REXO1: variants seen among roughly 807,000 people sequenced by gnomAD.
REXO1 encodes the protein REX1, RNA exonuclease 1 homolog.
In REXO1, 42 loss-of-function variants were observed where a neutral mutation model predicts 102.6. The ratio of observed to expected loss-of-function variants is 0.41; its 90% CI spans 0.32 to 0.53. The LOEUF (loss-of-function observed/expected upper bound fraction) is 0.53. Among genes scored for constraint, REXO1 ranks in the 20% least tolerant of loss-of-function variants. The pLI, the probability that REXO1 is intolerant of heterozygous loss-of-function variation, is 0.27. For missense variants in REXO1, 1,819 were observed against 1,732.5 expected, an observed-to-expected ratio of 1.05 and a Z score of -0.89; for synonymous variants, 908 against 779.1, an observed-to-expected ratio of 1.17 and a Z score of -2.76.
chr19:1,816,078 C>T lies in REXO1; in HGVS notation c.3654G>A (p.Lys1218=). 6.5e-7 allele frequency: 1 copy of T among 1,545,580 alleles called. No homozygotes were observed. Residue 1218 remains lysine, a synonymous_variant, in exon 16 of 16, where the codon AAG becomes AAA. Transcript: ENST00000170168. The part of the protein sequence containing the change: ...LVIWKVREDA[K]TKR ...AGGCGGGCAGGCGTCATCGCTTGGT[C>T]TTGGCGTCTTCTCGAACCTTCCAGA...
chr19:1,819,720 G>A (rs897470083), intron 7 of REXO1, among the ~76,000 whole-genome samples: 1 of 152,202 alleles, frequency 6.6e-6, no homozygotes, highest in Non-Finnish European at 1.5e-5. Context: ...ACTCAGCGGA[G>A]GAAGGCGGCT....
rs1318306872 is a variant in REXO1, at chr19:1,838,137, T to C, written c.158-9506A>G. On this transcript the variant is annotated intron_variant, in intron 1 of 15. Transcript: ENST00000170168. ...GAGTTTGAGACCAGCCTGGCCAACA[T>C]GGGGAAACCCCGTCCCTACTAAAAC... is the stretch of plus-strand genomic sequence containing the variant. Among the ~76,000 whole-genome samples the C allele has an allele frequency of 5.9e-5, 9 of 151,980 alleles. No homozygotes were observed. The South Asian group carries it at 1.9e-3, about 32-fold the overall frequency.
chr19:1,823,587 G>A lies in REXO1; in HGVS notation c.2215C>T (p.Pro739Ser). Reference protein sequence around the residue: ...EKRRIAHIPNPRLAAAPTGAK... With the variant: ...EKRRIAHIPNSRLAAAPTGAK... ...CAGGACTCACCTGCAGCCAGGCGGG[G>A]GTTGGGGATGTGGGCGATCCTCCTC... is the stretch of plus-strand genomic sequence containing the variant. Residue 739 changes from proline to serine, a missense_variant, in exon 4 of 16, where the codon CCC (proline) becomes TCC (serine). Transcript: ENST00000170168. 1.5e-6 allele frequency: 2 copies of A among 1,319,834 alleles called. No individual in the cohort carries two copies. Among genetic ancestry groups the A allele is most frequent in the Non-Finnish European group, 1.9e-6 (2 of 1,027,090 alleles). 81.8% of individuals were successfully genotyped at this position (1,319,834 alleles called of 1,614,324 possible). A position where few individuals can be genotyped will look rare whatever the true frequency, so the allele number is the denominator to read the frequency against.
At position 1,826,451 on chromosome 19, in the gene REXO1, G is replaced by A. The variant is rs2069724322; in HGVS notation, c.1911+427C>T. Among the ~76,000 whole-genome samples, 1 of 149,284 alleles carries A rather than the reference G, an allele frequency of 6.7e-6. No individual in the cohort carries two copies. Among genetic ancestry groups the A allele is most frequent in the Non-Finnish European group, 1.5e-5 (1 of 67,416 alleles). ...GAGGAGGCAAGGAGAGGAGACAGAG[G>A]AGCTGGAAGAGAAGAGACAGAGATG... On this transcript the variant is annotated intron_variant, in intron 2 of 15. Coordinates refer to ENST00000170168, the MANE Select transcript of REXO1 (RefSeq NM_020695.4). This position sits in a 1 kb window ranked among gnomAD's most constrained non-coding sequence, Gnocchi z 4.3.
At chr19:1,840,002 G>C (rs369684049) in intron 1 of REXO1, among the ~76,000 whole-genome samples, 130 of 152,342 alleles carry the variant, frequency 8.5e-4, no homozygotes, top group African/African-American at 2.8e-3. Context: ...CTGAGCCACT[G>C]TGAGAGGAGG....
In REXO1 at chr19:1,827,306, G is replaced by C. The variant is rs774459639; in HGVS notation, c.1483C>G (p.Arg495Gly). ...CCCTCGTCTAGTGAGCGGGCTTTCC[G>C]CTCCACTAGCTTCCCCGACGGGGCC... ...TKAPSGKLVE[R>G]KARSLDEGAS... The change falls in exon 2 of 16, where the codon CGG becomes GGG. Residue 495 changes from arginine (R) to glycine (G), a missense_variant. Physicochemically the swap from Arg to Gly is moderately radical, Grantham distance 125. Transcript: ENST00000170168. 1.3e-6 allele frequency: 2 copies of C among 1,561,264 alleles called. No individual in the cohort carries two copies. The highest frequency in any genetic ancestry group is 1.7e-6 in the Non-Finnish European group (2 of 1,158,454).
chr19:1,848,102 G>A (rs968794012), intron 1 of REXO1, 100 bp downstream of exon 1: 1 of 553,404 alleles, frequency 1.8e-6, no homozygotes, highest in Non-Finnish European at 2.7e-6. Context: ...CGTGTGGGGA[G>A]GAGGCTGGGC....
chr19:1,825,883 C>T lies in REXO1; in HGVS notation c.1972G>A (p.Gly658Arg), dbSNP rs201498568. Residue 658 changes from glycine (G) to arginine (R), a missense_variant, in exon 3 of 16, where the codon GGG (glycine) becomes AGG (arginine). Transcript: ENST00000170168. ...GLSGLTTLFPGQKRRISHLSK... is the reference protein window; with the variant it reads ...GLSGLTTLFPRQKRRISHLSK... Reference sequence around the variant, plus strand: ...AGGTGGGAGATCCTCCTCTTCTGCCCGGGGAACAGAGTGGTCAGACCCGAA... The same window carrying T: ...AGGTGGGAGATCCTCCTCTTCTGCCTGGGGAACAGAGTGGTCAGACCCGAA... The T allele has an allele frequency of 9.9e-6, 16 of 1,613,594 alleles. No homozygotes were observed. Among genetic ancestry groups the T allele is most frequent in the Admixed American group, 5.0e-5 (3 of 59,968 alleles).
intron 11 of REXO1, 141 bp from the exon 12 acceptor site, chr19:1,817,470 G>C: frequency 6.8e-7 from 1 of 1,478,346 alleles, no homozygotes; most frequent in Non-Finnish European, 9.0e-7. Context: ...TGGTGAGCAG[G>C]TGGGGAAGGG....
chr19:1,841,809 C>A (rs1286508805), intron 1 of REXO1, among the ~76,000 whole-genome samples: 1 of 152,184 alleles, frequency 6.6e-6, no homozygotes, highest in African/African-American at 2.4e-5. Flanking sequence ...CCAGCCCCAG[C>A]GAGCTGCTCT....
At chr19:1,841,644 G>A (rs2011286465) in intron 1 of REXO1, among the ~76,000 whole-genome samples, 1 of 152,234 alleles carries the variant, frequency 6.6e-6, no homozygotes, top group African/African-American at 2.4e-5. Context: ...CAGAGGGACA[G>A]AGGCCGGCCA....
intron 1 of REXO1, among the ~76,000 whole-genome samples, chr19:1,845,191 C>A (rs1348893744): frequency 6.6e-6 from 1 of 152,204 alleles, no homozygotes; most frequent in Non-Finnish European, 1.5e-5. Context: ...AAGGCCCAGG[C>A]AGCAGAGAGC....
chr19:1,843,141 C>A (rs1031594234), intron 1 of REXO1, among the ~76,000 whole-genome samples: 4 of 152,008 alleles, frequency 2.6e-5, no homozygotes, highest in Admixed American at 2.6e-4. Context: ...CAACCCCCCG[C>A]CCGGAGGGTC....
At position 1,827,312 on chromosome 19, in the gene REXO1, C is replaced by T. The variant is rs1292617215; in HGVS notation, c.1477G>A (p.Val493Met). 1.9e-6 allele frequency: 3 copies of T among 1,561,090 alleles called. No homozygotes were observed. In the Admixed American group the frequency reaches 5.4e-5, roughly 28 times the overall value. Reference protein sequence around the residue: ...KSTKAPSGKLVERKARSLDEG... With the variant: ...KSTKAPSGKLMERKARSLDEG... ...TCTAGTGAGCGGGCTTTCCGCTCCA[C>T]TAGCTTCCCCGACGGGGCCTTGGTG... Residue 493 changes from valine (V) to methionine (M), a missense_variant, in exon 2 of 16, where the codon GTG becomes ATG. Transcript: ENST00000170168.
At chr19:1,822,653 G>A (rs1037288305) in intron 4 of REXO1, 1 of 152,438 alleles carries the variant, frequency 6.6e-6, no homozygotes, top group Non-Finnish European at 1.5e-5. Context: ...GGGGTCCTGG[G>A]ATAGGCCCAA....
rs534827653 is a variant in REXO1 at position 1,845,210 on chromosome 19, G to C, written c.157+2992C>G. Among the ~76,000 whole-genome samples the C allele has an allele frequency of 3.9e-5, 6 of 152,274 alleles. No homozygotes were observed. The South Asian group carries it at 1.0e-3, about 26-fold the overall frequency. On this transcript the variant is annotated intron_variant, in intron 1 of 15. Transcript: ENST00000170168. The stretch of plus-strand genomic sequence containing the variant: ...CCCAGGCAGCAGAGAGCGGCCACTG[G>C]GGGGATAGTAACGCTCATTCCCAAC...
chr19:1,817,173 G>A (rs777070361), intron 12 of REXO1, 46 bp downstream of exon 12: 6 of 1,536,614 alleles, frequency 3.9e-6, no homozygotes, highest in Non-Finnish European at 5.3e-6. Flanking sequence ...ACCAGGCCAG[G>A]TCCTCCCCAA....
Position 1,815,847 on chromosome 19 carries a change from G to T in REXO1, c.*219C>A, listed in dbSNP as rs1329482780. 6.6e-7 allele frequency: 1 copy of T among 1,521,386 alleles called. No individual in the cohort carries two copies. The highest frequency in any genetic ancestry group is 2.5e-5 in the East Asian group (1 of 40,376). The allele number at this position is 1,521,386 out of a possible 1,614,324, so 94.2% of individuals were successfully genotyped here. A position where few individuals can be genotyped will look rare whatever the true frequency, so the allele number is the denominator to read the frequency against. On this transcript the variant is annotated 3_prime_UTR_variant, in exon 16 of 16. Coordinates refer to ENST00000170168, the MANE Select transcript of REXO1 (RefSeq NM_020695.4). This position sits in a 1 kb window ranked among gnomAD's most constrained non-coding sequence, Gnocchi z 4.0. ...GCAGCAGTTTCTAGAGACGCCAGAGGGCTGGGGGGCAGAGGGTGGGGACCG... is the reference window on the plus strand; with the variant it reads ...GCAGCAGTTTCTAGAGACGCCAGAGTGCTGGGGGGCAGAGGGTGGGGACCG...
In REXO1 at chr19:1,815,745, C is replaced by T. The variant is rs934758687; in HGVS notation, c.*321G>A. ...AGGAGCAGAGGTGCCGGCCACCACC[C>T]GGGAGGGAGGGCCTGGCAGGAGGGG... is the stretch of plus-strand genomic sequence containing the variant. On this transcript the variant is annotated 3_prime_UTR_variant, in exon 16 of 16. Transcript: ENST00000170168. This position sits in a 1 kb window ranked among gnomAD's most constrained non-coding sequence, Gnocchi z 4.0. 1.5e-5 allele frequency: 21 copies of T among 1,415,576 alleles called. No individual in the cohort carries two copies. The Admixed American group carries it at 1.5e-4, about 10-fold the overall frequency. 87.7% of individuals were successfully genotyped at this position (1,415,576 alleles called of 1,614,324 possible). A position where few individuals can be genotyped will look rare whatever the true frequency, so the allele number is the denominator to read the frequency against.
Sources: allele counts gnomAD v4.1 joint callset (sites outside exome capture counted in the v4.1 genomes callset), GRCh38; gene constraint gnomAD v4.1.1; non-coding constraint Gnocchi (gnomAD v3.1); transcripts MANE v1.5; gene names NCBI Gene and HGNC (gene_info 2026-07-23, HGNC 2026-07-21).